KCTD16: variants seen among roughly 807,000 people sequenced by gnomAD.
KCTD16 encodes potassium channel tetramerization domain containing 16, also known as BTB/POZ domain-containing protein KCTD16.
In KCTD16, 13 loss-of-function variants were observed where a neutral mutation model predicts 33.2. That is an observed-to-expected ratio of 0.39 (90% CI 0.25 to 0.62). KCTD16 has a LOEUF of 0.62. KCTD16 is among the 20% of genes least tolerant of loss of function. KCTD16 has a pLI of 0.50. For missense variants in KCTD16, 441 were observed against 525.1 expected (o/e 0.84, Z 1.57); for synonymous variants, 197 against 195.3 (o/e 1.01, Z -0.07).
At chr5:144,323,262 T>C (rs1752122750) in intron 3 of KCTD16, among the ~76,000 whole-genome samples, 1 of 152,192 alleles carries the variant, frequency 6.6e-6, no homozygotes, top group African/African-American at 2.4e-5. Flanking sequence ...AGCCTTGAGA[T>C]ATTTTTCTTT....
At chr5:144,402,788 G>C (rs1176104300) in intron 3 of KCTD16, among the ~76,000 whole-genome samples, 4 of 152,022 alleles carry the variant, frequency 2.6e-5, no homozygotes, top group African/African-American at 9.7e-5. Flanking sequence ...TAAATATCTG[G>C]TTTTTAAAAT....
intron 3 of KCTD16, among the ~76,000 whole-genome samples, chr5:144,232,405 G>A (rs1038080332): frequency 4.6e-5 from 7 of 152,140 alleles, no homozygotes; most frequent in African/African-American, 7.2e-5. Context: ...TTATTTGAAC[G>A]TGTGAAGAAA....
At chr5:144,385,009 T>C (rs1752293783) in intron 3 of KCTD16, among the ~76,000 whole-genome samples, 1 of 152,230 alleles carries the variant, frequency 6.6e-6, no homozygotes, top group South Asian at 2.1e-4. Flanking sequence ...AAGTCTGACA[T>C]TCAAATAAGT....
chr5:144,345,685 C>T (rs1752778906), intron 3 of KCTD16, among the ~76,000 whole-genome samples: 1 of 151,918 alleles, frequency 6.6e-6, no homozygotes, highest in Non-Finnish European at 1.5e-5. Context: ...TTAGTGCTGT[C>T]CCACAGACAT....
chr5:144,364,772 A>G (rs1223612229), intron 3 of KCTD16, among the ~76,000 whole-genome samples: 1 of 152,224 alleles, frequency 6.6e-6, no homozygotes, highest in Non-Finnish European at 1.5e-5. Context: ...TGTTCCAAGT[A>G]AAACAACAGA....
intron 3 of KCTD16, among the ~76,000 whole-genome samples, chr5:144,345,059 C>T (rs1752754398): frequency 6.6e-6 from 1 of 151,842 alleles, no homozygotes. Context: ...TTTGTAGGGA[C>T]ATGGATGTAA....
chr5:144,243,086 T>G (rs1580814738), intron 3 of KCTD16, among the ~76,000 whole-genome samples: 2 of 152,214 alleles, frequency 1.3e-5, no homozygotes, highest in African/African-American at 4.8e-5. Flanking sequence ...GCTGATGTTT[T>G]CTCATAATTA....
intron 3 of KCTD16, among the ~76,000 whole-genome samples, chr5:144,291,257 C>T (rs1475907711): frequency 1.3e-5 from 2 of 152,156 alleles, no homozygotes; most frequent in Non-Finnish European, 2.9e-5. Context: ...TCACATTCAC[C>T]TCCTGCTGCT....
At chr5:144,353,092 C>G (rs1751482936) in intron 3 of KCTD16, among the ~76,000 whole-genome samples, 1 of 152,220 alleles carries the variant, frequency 6.6e-6, no homozygotes, top group African/African-American at 2.4e-5. Context: ...CGTTTGCCAC[C>G]TGCTGCTGCC....
chr5:144,428,881 C>A (rs1753394667), intron 3 of KCTD16, among the ~76,000 whole-genome samples: 1 of 152,142 alleles, frequency 6.6e-6, no homozygotes, highest in East Asian at 1.9e-4. Context: ...TTTGGGTGTT[C>A]TTAAGCTGAA....
At chr5:144,281,833 A>C (rs911489569) in intron 3 of KCTD16, among the ~76,000 whole-genome samples, 6 of 152,158 alleles carry the variant, frequency 3.9e-5, no homozygotes, top group African/African-American at 1.4e-4. Context: ...CTTTCTGTTA[A>C]AGTCCATTTG....
chr5:144,207,626 T>A, intron 3 of KCTD16, 80 bp downstream of exon 3: 4 of 992,758 alleles, frequency 4.0e-6, no homozygotes, highest in Non-Finnish European at 6.0e-6. Flanking sequence ...GTTCTCTCCA[T>A]ACCTAAGGAA....
chr5:144,271,589 C>G (rs1755295151), intron 3 of KCTD16, among the ~76,000 whole-genome samples: 1 of 151,988 alleles, frequency 6.6e-6, no homozygotes, highest in Non-Finnish European at 1.5e-5. Context: ...AAAGCAGGAA[C>G]AAGGCAAGAA....
intron 3 of KCTD16, among the ~76,000 whole-genome samples, chr5:144,435,831 G>T (rs1434328891): frequency 2.7e-5 from 4 of 149,914 alleles, no homozygotes; most frequent in East Asian, 3.9e-4. Context: ...TCCTGTGTGT[G>T]TGTGTGTGTG....
chr5:144,368,715 G>C (rs1284879432), intron 3 of KCTD16, among the ~76,000 whole-genome samples: 1 of 152,114 alleles, frequency 6.6e-6, no homozygotes, highest in Non-Finnish European at 1.5e-5. Context: ...GTTGTTTTAA[G>C]TCAGTGAGTT....
chr5:144,336,341 G>A (rs1752493705), intron 3 of KCTD16, among the ~76,000 whole-genome samples: 1 of 152,110 alleles, frequency 6.6e-6, no homozygotes, highest in African/African-American at 2.4e-5. Context: ...GTCCACAATT[G>A]TGCACAAAGT....
At position 144,395,292 on chromosome 5, in the gene KCTD16, C is replaced by T. The variant is rs528607305; in HGVS notation, c.833-78368C>T. Among the ~76,000 whole-genome samples, 92 of 152,126 alleles carry T rather than the reference C, an allele frequency of 6.0e-4. 1 individual carries two copies. The highest frequency in any genetic ancestry group is 2.2e-3 in the African/African-American group (91 of 41,516). ...TTTTTCACAGATAAGCATGGGGAGG[C>T]GATATGTCCGTGTCTGATATACTGA... On this transcript the variant is annotated intron_variant, in intron 3 of 3. Transcript: ENST00000512467.
chr5:144,259,043 G>A (rs889273769), intron 3 of KCTD16, among the ~76,000 whole-genome samples: 1 of 152,076 alleles, frequency 6.6e-6, no homozygotes, highest in Non-Finnish European at 1.5e-5. Flanking sequence ...CAGATCACGA[G>A]GTTAGGAGAT....
intron 3 of KCTD16, among the ~76,000 whole-genome samples, chr5:144,273,174 C>T (rs1434045393): frequency 1.3e-5 from 2 of 152,050 alleles, no homozygotes; most frequent in Non-Finnish European, 2.9e-5. Flanking sequence ...TTGACTAATT[C>T]TCTAAAGAGG....
Sources: gnomAD v4.1 joint callset for allele counts (sites outside exome capture counted in the v4.1 genomes callset) on GRCh38, gnomAD v4.1.1 for gene constraint, MANE v1.5 for transcripts, NCBI Gene and HGNC (gene_info 2026-07-23, HGNC 2026-07-21) for gene names.